The following STK40 variants were observed in gnomAD, a reference collection of about 807,000 sequenced individuals.
STK40 encodes the protein serine/threonine kinase 40.
In STK40, 13 loss-of-function variants were observed where a neutral mutation model predicts 47.9. The ratio of observed to expected loss-of-function variants is 0.27; its 90% CI spans 0.18 to 0.43. The LOEUF is 0.43. Among genes scored for constraint, STK40 ranks in the 20% least tolerant of loss-of-function variants. The pLI is 1.00. For missense variants in STK40, 460 were observed against 595.1 expected (o/e 0.77, Z 2.36); for synonymous variants, 225 against 243.2 (o/e 0.93, Z 0.69).
intron 6 of STK40, among the ~76,000 whole-genome samples, chr1:36,349,842 G>A (rs1263650298): frequency 1.3e-5 from 2 of 152,174 alleles, no homozygotes; most frequent in African/African-American, 4.8e-5. Context: ...CAGTGAGGAA[G>A]GATGCCTCTC....
At chr1:36,374,046 C>G (rs1201516343) in intron 1 of STK40, among the ~76,000 whole-genome samples, 2 of 152,272 alleles carry the variant, frequency 1.3e-5, no homozygotes, top group Non-Finnish European at 2.9e-5. Context: ...TCTGCCACCG[C>G]TGCCTTTCCT....
intron 4 of STK40, among the ~76,000 whole-genome samples, chr1:36,356,580 C>T (rs912327146): frequency 6.6e-6 from 1 of 152,000 alleles, no homozygotes; most frequent in African/African-American, 2.4e-5. Context: ...TGCCCACCAC[C>T]ATGCCCGGCT....
chr1:36,370,767 G>A (rs1427393947), intron 1 of STK40, among the ~76,000 whole-genome samples: 6 of 152,114 alleles, frequency 3.9e-5, no homozygotes, highest in Non-Finnish European at 1.5e-5. Context: ...CAATATCCAT[G>A]GGGGATTGGT....
chr1:36,341,907 C>G lies in STK40; in HGVS notation c.1156G>C (p.Ala386Pro), dbSNP rs756696476. Reference protein sequence around the residue: ...ENYMRQQLLLAEEKSSIHDAR... With the variant: ...ENYMRQQLLLPEEKSSIHDAR... ...TCATGGATGGAGCTCTTCTCCTCGGCCAGCAGCAGCTGCTGACGCATGTAG... is the reference window on the plus strand; with the variant it reads ...TCATGGATGGAGCTCTTCTCCTCGGGCAGCAGCAGCTGCTGACGCATGTAG... The change falls in exon 11 of 11, where the codon GCC becomes CCC. Residue 386 changes from alanine to proline, a missense_variant. Around this residue, in one of 3 missense-constraint regions of STK40, gnomAD observed 181 missense variants for 218.9 expected, o/e 0.83. Coordinates refer to ENST00000373132, the MANE Select transcript of STK40 (RefSeq NM_001282547.2). The G allele has an allele frequency of 2.5e-6, 4 of 1,614,052 alleles. No homozygotes were observed. The highest frequency in any genetic ancestry group is 2.5e-6 in the Non-Finnish European group (3 of 1,179,988).
chr1:36,351,875 A>G (rs931327986), intron 6 of STK40, among the ~76,000 whole-genome samples: 2 of 152,202 alleles, frequency 1.3e-5, no homozygotes, highest in Non-Finnish European at 1.5e-5. Flanking sequence ...TTTACAGCCA[A>G]TGAATGGCTG....
rs559327602 is a variant in STK40 at position 36,370,297 on chromosome 1, C to T, written c.-8-8957G>A. 4.1e-4 allele frequency among the ~76,000 whole-genome samples: 62 copies of T among 152,344 alleles called. No individual in the cohort carries two copies. The South Asian group carries it at 0.012, about 29-fold the overall frequency. On this transcript the variant is annotated intron_variant, in intron 1 of 10. Transcript: ENST00000373132. ...GGAGAATCCCCCAAATCCAGCCAAA[C>T]GATCTGCTTTCCTGCGGCAAGATGT...
intron 1 of STK40, among the ~76,000 whole-genome samples, chr1:36,374,517 G>C (rs1646975613): frequency 6.6e-6 from 1 of 152,216 alleles, no homozygotes; most frequent in African/African-American, 2.4e-5. Context: ...GCAGAATCCA[G>C]GGCAGCATTG....
In STK40 at chr1:36,358,278, G is replaced by A; in HGVS notation, c.303C>T (p.His101=). 5 of 1,605,592 alleles carry A rather than the reference G, an allele frequency of 3.1e-6. No individual in the cohort carries two copies. Among genetic ancestry groups the A allele is most frequent in the Non-Finnish European group, 4.3e-6 (5 of 1,172,942 alleles). The change falls in exon 4 of 11, where the codon CAC becomes CAT. Residue 101 remains histidine, a synonymous_variant. Transcript: ENST00000373132. ...GGTGGTGCACCACGCCATCCTGCGT[G>A]TGCAGGAGAGACAGCAGTGAGTACT... is the stretch of plus-strand genomic sequence containing the variant. ...HTEYSLLSLL[H]TQDGVVHHHG...
At chr1:36,356,526 T>C (rs531803000) in intron 4 of STK40, among the ~76,000 whole-genome samples, 39 of 150,056 alleles carry the variant, frequency 2.6e-4, no homozygotes, top group East Asian at 9.9e-4. Context: ...CCCAGGTTCA[T>C]GCCATTCTCC....
intron 7 of STK40, among the ~76,000 whole-genome samples, chr1:36,347,755 C>T (rs1037159027): frequency 2.6e-5 from 4 of 151,570 alleles, no homozygotes; most frequent in Admixed American, 6.6e-5. Flanking sequence ...TGGGTTCAAG[C>T]GATTCTCCTG....
chr1:36,371,685 CAAAAAAAAAAA>C (rs57138983), intron 1 of STK40, among the ~76,000 whole-genome samples: 1 of 27,972 alleles, frequency 3.6e-5, no homozygotes, highest in Non-Finnish European at 7.8e-5. Context: ...ACCCTGTCTC[CAAAAAAAAAAA>C]AAAAAAAAAA....
chr1:36,360,187 G>A (rs550989765), intron 2 of STK40, among the ~76,000 whole-genome samples: 1 of 152,202 alleles, frequency 6.6e-6, no homozygotes, highest in East Asian at 1.9e-4. Context: ...CACAGGCCTG[G>A]CACGTAGTAG....
At chr1:36,359,178 G>A (rs1646830842) in intron 2 of STK40, among the ~76,000 whole-genome samples, 1 of 152,184 alleles carries the variant, frequency 6.6e-6, no homozygotes, top group Non-Finnish European at 1.5e-5. Context: ...AGGCTGAGGT[G>A]GGAGGACTGC....
At chr1:36,348,609 C>T in intron 7 of STK40, 91 bp downstream of exon 7, 1 of 1,233,826 alleles carries the variant, frequency 8.1e-7, no homozygotes, top group South Asian at 1.3e-5. Flanking sequence ...CAGCACCTTG[C>T]CCAGGGCCTG....
At chr1:36,343,048 CA>C (rs1646668978) in intron 10 of STK40, 2 of 601,880 alleles carry the variant, frequency 3.3e-6, no homozygotes, top group South Asian at 4.0e-5. Context: ...AACTCTGAGT[CA>C]GGGGGCAGAG....
chr1:36,353,244 G>A (rs1338180966), intron 6 of STK40, among the ~76,000 whole-genome samples: 1 of 152,210 alleles, frequency 6.6e-6, no homozygotes, highest in African/African-American at 2.4e-5. Context: ...AGAAATAATG[G>A]GTGGGGGCGG....
At chr1:36,361,813 C>T (rs537915154) in intron 1 of STK40, among the ~76,000 whole-genome samples, 2 of 152,188 alleles carry the variant, frequency 1.3e-5, no homozygotes, top group African/African-American at 2.4e-5. Flanking sequence ...ATTCCTGGCC[C>T]GTATCTGGAC....
chr1:36,358,799 C>A lies in STK40; in HGVS notation c.136G>T (p.Val46Leu). 1.9e-6 allele frequency: 3 copies of A among 1,614,166 alleles called. No homozygotes were observed. Among genetic ancestry groups the A allele is most frequent in the Non-Finnish European group, 2.5e-6 (3 of 1,180,028 alleles). ...GCCAAACACTGCACTATGCTTGGCA[C>A]CGGTGAGTTGCCCAGACGGGGACCT... ...ILGPRLGNSP[V>L]PSIVQCLARK... is the part of the protein sequence containing the mutation. The change falls in exon 3 of 11, where the codon GTG becomes TTG. Residue 46 changes from valine to leucine, a missense_variant. Transcript: ENST00000373132.
At chr1:36,368,137 G>A (rs1646916776) in intron 1 of STK40, 1 of 152,304 alleles carries the variant, frequency 6.6e-6, no homozygotes, top group Admixed American at 6.5e-5. Flanking sequence ...ATCACTGTGT[G>A]TAAATATACC....
Sources: gnomAD v4.1 joint callset for allele counts (sites outside exome capture counted in the v4.1 genomes callset) on GRCh38, gnomAD v4.1.1 for gene constraint, gnomAD v4.1.1 regional missense constraint, MANE v1.5 for transcripts, NCBI Gene and HGNC (gene_info 2026-07-23, HGNC 2026-07-21) for gene names.